The following DAB1 variants were observed in gnomAD, a reference collection of about 807,000 sequenced individuals.
The protein encoded by DAB1 is disabled homolog 1.
A neutral mutation model predicts 64.6 loss-of-function variants in DAB1; 15 were observed. That is an observed-to-expected ratio of 0.23 (90% CI 0.16 to 0.36). The LOEUF is 0.36. Among genes scored for constraint, DAB1 ranks in the 10% least tolerant of loss-of-function variants. DAB1 has a pLI of 1.00. For synonymous variants in DAB1, 235 were observed against 251.9 expected (o/e 0.93, Z 0.64); for missense variants, 596 against 706.7 (o/e 0.84, Z 1.78).
At chr1:58,077,963 T>C (rs2100586507) in intron 5 of DAB1, 1 of 152,368 alleles carries the variant, frequency 6.6e-6, no homozygotes, top group South Asian at 2.1e-4. Context: ...TTTTTCTCTT[T>C]AATAATTCAC....
chr1:57,299,801 C>A (rs963702265), intron 1 of DAB1, among the ~76,000 whole-genome samples: 3 of 152,238 alleles, frequency 2.0e-5, no homozygotes, highest in African/African-American at 7.2e-5. Context: ...CCATTGACTG[C>A]CTAGGTAAAT....
At chr1:57,929,735 G>A (rs183768461) in intron 5 of DAB1, among the ~76,000 whole-genome samples, 157 of 152,290 alleles carry the variant, frequency 1.0e-3, no homozygotes, top group Non-Finnish European at 1.3e-3. Context: ...GGTCCAAGGG[G>A]AAGCATGCAG....
chr1:57,168,768 G>A (rs1385732063), intron 2 of DAB1, among the ~76,000 whole-genome samples: 2 of 152,180 alleles, frequency 1.3e-5, no homozygotes, highest in African/African-American at 4.8e-5. Flanking sequence ...GAAATAGAGA[G>A]AAATCAGCTG....
intron 6 of DAB1, among the ~76,000 whole-genome samples, chr1:57,708,931 G>A (rs1354668379): frequency 6.6e-6 from 1 of 151,962 alleles, no homozygotes; most frequent in Non-Finnish European, 1.5e-5. Flanking sequence ...GTGTTTTCTT[G>A]CATGAATAGT....
Position 58,398,063 on chromosome 1 carries a change from C to T in DAB1, n.258-54660G>A, listed in dbSNP as rs780512917. Among the ~76,000 whole-genome samples the T allele has an allele frequency of 1.2e-4, 19 of 152,152 alleles. No individual in the cohort carries two copies. In the South Asian group the frequency reaches 1.4e-3, roughly 12 times the overall value. ...ACTTTCTAACAGAGCCCTGGCACTG[C>T]GCACATGGATTCCGATCTATCTTCA... On this transcript the variant is annotated intron_variant and non_coding_transcript_variant, in intron 3 of 20. Transcript: ENST00000485760.
In DAB1 at chr1:56,995,475, C is replaced by T. The variant is rs989999293; in HGVS notation, c.*2669G>A. 1 of 152,192 alleles carries T rather than the reference C, an allele frequency of 6.6e-6. No homozygotes were observed. Among genetic ancestry groups the T allele is most frequent in the Non-Finnish European group, 1.5e-5 (1 of 68,030 alleles). The allele number at this position is 152,192 out of a possible 1,614,324, so 9.4% of individuals were successfully genotyped here. On this transcript the variant is annotated 3_prime_UTR_variant, in exon 15 of 15. Transcript: ENST00000371236. ...TGACTTTATTTCCCTTACTTTAATG[C>T]ATCACTTGGGCATCTATCTTCTTGA...
intron 4 of DAB1, among the ~76,000 whole-genome samples, chr1:58,309,571 A>G (rs1662382074): frequency 6.6e-6 from 1 of 152,156 alleles, no homozygotes. Flanking sequence ...ACAAAAAACT[A>G]TGGCATATAT....
Position 58,097,501 on chromosome 1 carries a change from C to T in DAB1, n.387+53010G>A, listed in dbSNP as rs150246189. Among the ~76,000 whole-genome samples, 604 of 150,784 alleles carry T rather than the reference C, an allele frequency of 4.0e-3. 5 individuals carry two copies. Among genetic ancestry groups the T allele is most frequent in the South Asian group, 7.7e-3 (36 of 4,666 alleles). On this transcript the variant is annotated intron_variant and non_coding_transcript_variant, in intron 5 of 20. Transcript: ENST00000485760. ...TGGGTGACCTGATCCTCATTGGGAA[C>T]GGGGGATGTTCAGGAAGCCTTTTTT...
chr1:57,071,244 G>T (rs954731465), intron 6 of DAB1, 183 bp from the exon 7 acceptor site: 3 of 663,942 alleles, frequency 4.5e-6, no homozygotes, highest in Middle Eastern at 4.2e-4. Context: ...ACCTCCACCC[G>T]CACTGTTAAC....
chr1:58,177,060 C>G (rs1032839757), intron 4 of DAB1, among the ~76,000 whole-genome samples: 8 of 151,584 alleles, frequency 5.3e-5, no homozygotes, highest in African/African-American at 1.9e-4. Context: ...GGGGTACAGA[C>G]ATTTAAACTA....
chr1:57,800,341 T>C (rs1232262709), intron 6 of DAB1, among the ~76,000 whole-genome samples: 1 of 152,074 alleles, frequency 6.6e-6, no homozygotes, highest in South Asian at 2.1e-4. Flanking sequence ...AGAATGAAGC[T>C]AGAAAAGAAA....
chr1:58,494,460 C>T (rs1645757619), intron 3 of DAB1, among the ~76,000 whole-genome samples: 1 of 152,166 alleles, frequency 6.6e-6, no homozygotes, highest in Non-Finnish European at 1.5e-5. Flanking sequence ...GCAAAAGAAA[C>T]TACCATCAGA....
chr1:57,288,889 T>C (rs186208290), intron 2 of DAB1, among the ~76,000 whole-genome samples: 373 of 152,324 alleles, frequency 2.4e-3, no homozygotes, highest in Non-Finnish European at 3.9e-3. Flanking sequence ...ATTTGCCTTA[T>C]TTTCATTAAT....
At chr1:57,869,394 T>C (rs561896826) in intron 1 of DAB1, among the ~76,000 whole-genome samples, 1 of 151,740 alleles carries the variant, frequency 6.6e-6, no homozygotes, top group East Asian at 1.9e-4. Flanking sequence ...CAATGCCTGA[T>C]AAATAGTAGG....
chr1:57,409,707 G>C (rs577389361), intron 1 of DAB1, among the ~76,000 whole-genome samples: 2 of 152,304 alleles, frequency 1.3e-5, no homozygotes, highest in African/African-American at 4.8e-5. Flanking sequence ...TACTCGGGAG[G>C]CTGAGGCAGG....
chr1:57,251,980 A>G (rs1022538621), intron 2 of DAB1, among the ~76,000 whole-genome samples: 1 of 152,232 alleles, frequency 6.6e-6, no homozygotes, highest in Non-Finnish European at 1.5e-5. Context: ...ATCATGGGGC[A>G]AGATGAAAGT....
chr1:58,366,746 T>C (rs1048806085), intron 3 of DAB1, among the ~76,000 whole-genome samples: 3 of 152,220 alleles, frequency 2.0e-5, no homozygotes, highest in Non-Finnish European at 2.9e-5. Context: ...TCTTGGGTCC[T>C]TTGCACTTCT....
At chr1:58,269,476 C>T (rs963591025) in intron 4 of DAB1, among the ~76,000 whole-genome samples, 26 of 150,316 alleles carry the variant, frequency 1.7e-4, no homozygotes, top group Non-Finnish European at 2.5e-4. Context: ...AATAAACATA[C>T]GTCTTTATAG....
Position 57,848,575 on chromosome 1 carries a change from TAAG to T in DAB1, n.88-22123_88-22121del, listed in dbSNP as rs372067808. On this transcript the variant is annotated intron_variant and non_coding_transcript_variant, in intron 1 of 1. Coordinates refer to the DAB1 transcript ENST00000477280. The stretch of plus-strand genomic sequence containing the variant: ...AAGTTGGGGACAGGGATGGTTGTGT[TAAG>T]AAGAGGTCTAGGCCAGACAGAAGTA... 6.3e-3 allele frequency among the ~76,000 whole-genome samples: 953 copies of T among 152,290 alleles called. 13 individuals carry two copies. Among genetic ancestry groups the T allele is most frequent in the African/African-American group, 0.022 (919 of 41,562 alleles).
Sources: allele counts gnomAD v4.1 joint callset (sites outside exome capture counted in the v4.1 genomes callset), GRCh38; gene constraint gnomAD v4.1.1; transcripts MANE v1.5; gene names NCBI Gene and HGNC (gene_info 2026-07-23, HGNC 2026-07-21).